The following ZNF829 variants were observed in gnomAD, a reference collection of about 807,000 sequenced individuals.
The protein encoded by ZNF829 is zinc finger protein 829.
ZNF829 carries 25 observed loss-of-function variants against 35.2 expected under a neutral mutation model. The observed-to-expected ratio is 0.71, with a 90% CI of 0.52 to 0.99. The LOEUF is 0.99. Ranked by LOEUF, ZNF829 falls within the 50% of genes least tolerant of loss-of-function variation. The pLI is 0.00. For synonymous variants in ZNF829, 136 were observed against 163.2 expected (o/e 0.83, Z 1.27); for missense variants, 417 against 515.3 (o/e 0.81, Z 1.85).
In ZNF829 at chr19:36,890,312, T is replaced by C. The variant is rs2073037730; in HGVS notation, c.*1180A>G. Reference sequence around the variant, plus strand: ...TAGAGTCCAATTTAAGTCCAGAGTTTCTTTGTTGATTTCTGTCCCAGTGAT... The same window carrying C: ...TAGAGTCCAATTTAAGTCCAGAGTTCCTTTGTTGATTTCTGTCCCAGTGAT... On this transcript the variant is annotated 3_prime_UTR_variant, in exon 6 of 6. Transcript: ENST00000391711. 6.6e-6 allele frequency: 1 copy of C among 152,168 alleles called. No homozygotes were observed. Among genetic ancestry groups the C allele is most frequent in the South Asian group, 2.1e-4 (1 of 4,832 alleles). 9.4% of individuals were successfully genotyped at this position (152,168 alleles called of 1,614,324 possible). A position where few individuals can be genotyped will look rare whatever the true frequency, so the allele number is the denominator to read the frequency against.
intron 5 of ZNF829, among the ~76,000 whole-genome samples, chr19:36,904,689 G>A (rs748411813): frequency 6.6e-6 from 1 of 152,080 alleles, no homozygotes; most frequent in Admixed American, 6.5e-5. Flanking sequence ...GTGAGCCACC[G>A]CGCCTGGTCT....
chr19:36,899,142 G>GA (rs2073138973), intron 5 of ZNF829, among the ~76,000 whole-genome samples: 1 of 152,028 alleles, frequency 6.6e-6, no homozygotes, highest in African/African-American at 2.4e-5. Flanking sequence ...TAACAAGGAA[G>GA]CAAAAAAACT....
chr19:36,893,164 T>C (rs1405741684), intron 5 of ZNF829: 1 of 393,396 alleles, frequency 2.5e-6, no homozygotes, highest in Non-Finnish European at 4.5e-6. Flanking sequence ...GACTGTGCAA[T>C]GGTATACTGG....
At chr19:36,898,257 A>G (rs1050514510) in intron 5 of ZNF829, among the ~76,000 whole-genome samples, 6 of 152,240 alleles carry the variant, frequency 3.9e-5, no homozygotes, top group Non-Finnish European at 8.8e-5. Context: ...TTATTAATAT[A>G]ATAGCTACAA....
rs2073039677 is a variant in ZNF829, at chr19:36,890,517, C to T, written c.*975G>A. On this transcript the variant is annotated 3_prime_UTR_variant, in exon 6 of 6. Transcript: ENST00000391711. ...TTTATCCTTTATCATTATAAATGACCTTCTTTGTCCTTTTTAATTTTTGTT... is the reference window on the plus strand; with the variant it reads ...TTTATCCTTTATCATTATAAATGACTTTCTTTGTCCTTTTTAATTTTTGTT... The T allele has an allele frequency of 6.6e-6, 1 of 151,536 alleles. No individual in the cohort carries two copies. The highest frequency in any genetic ancestry group is 2.4e-5 in the African/African-American group (1 of 41,226). The allele number at this position is 151,536 out of a possible 1,614,324, so 9.4% of individuals were successfully genotyped here.
intron 3 of ZNF829, among the ~76,000 whole-genome samples, chr19:36,914,061 T>G (rs145591570): frequency 6.6e-6 from 1 of 152,164 alleles, no homozygotes; most frequent in Non-Finnish European, 1.5e-5. Flanking sequence ...AATCTGACTC[T>G]TACCTCATAA....
intron 5 of ZNF829, among the ~76,000 whole-genome samples, chr19:36,897,921 C>T (rs555510398): frequency 1.3e-5 from 2 of 152,324 alleles, no homozygotes; most frequent in East Asian, 3.9e-4. Flanking sequence ...ATAATCCCAG[C>T]AGTTTGGAAG....
At chr19:36,905,493 A>G (rs564079431) in intron 5 of ZNF829, 1 of 151,466 alleles carries the variant, frequency 6.6e-6, no homozygotes, top group Non-Finnish European at 1.5e-5. Flanking sequence ...GCTGGAGTGC[A>G]ATGGTGTGAT....
At chr19:36,903,102 A>G (rs937095063) in intron 5 of ZNF829, among the ~76,000 whole-genome samples, 2 of 152,236 alleles carry the variant, frequency 1.3e-5, no homozygotes, top group Non-Finnish European at 2.9e-5. Flanking sequence ...GTTTAAATAC[A>G]GTAGTCAAGA....
At chr19:36,892,728 C>T (rs933406834) in intron 5 of ZNF829, 2 of 561,188 alleles carry the variant, frequency 3.6e-6, no homozygotes, top group Admixed American at 7.2e-5. Flanking sequence ...TCACCTTAAG[C>T]CTTGGTGAAT....
chr19:36,906,271 C>T (rs768551411), intron 5 of ZNF829: 2 of 152,054 alleles, frequency 1.3e-5, no homozygotes, highest in African/African-American at 4.8e-5. Context: ...TCAAAAGGTA[C>T]TATTAAAAGA....
chr19:36,901,633 C>G, intron 5 of ZNF829: 1 of 256,722 alleles, frequency 3.9e-6, no homozygotes. Context: ...GCTTTGTGGG[C>G]TATCCAAGTG....
Position 36,907,928 on chromosome 19 carries a change from C to A in ZNF829, c.319+1G>T. ...CTCCTGAGCCATCATCTCTTACTTACCTGAACACAGGCCTCTAGTCAGCTC... is the reference window on the plus strand; with the variant it reads ...CTCCTGAGCCATCATCTCTTACTTAACTGAACACAGGCCTCTAGTCAGCTC... On this transcript the variant is annotated splice_donor_variant, in intron 5 of 5. Transcript: ENST00000391711. LOFTEE classifies it high-confidence loss of function. The A allele has an allele frequency of 6.2e-7, 1 of 1,613,194 alleles. No homozygotes were observed. The highest frequency in any genetic ancestry group is 8.5e-7 in the Non-Finnish European group (1 of 1,179,322).
intron 5 of ZNF829, among the ~76,000 whole-genome samples, chr19:36,900,847 GAAAAA>G (rs59848712): frequency 1.1e-5 from 1 of 88,976 alleles, no homozygotes; most frequent in African/African-American, 4.5e-5. Flanking sequence ...GACTGTCTCA[GAAAAA>G]AAAAAAAAAA....
intron 5 of ZNF829, among the ~76,000 whole-genome samples, chr19:36,903,736 A>C (rs952497820): frequency 6.6e-6 from 1 of 150,696 alleles, no homozygotes; most frequent in Non-Finnish European, 1.5e-5. Flanking sequence ...ACTAAAAATA[A>C]AAAAATTAGC....
chr19:36,910,178 G>A (rs570250608), intron 3 of ZNF829, among the ~76,000 whole-genome samples: 2 of 151,582 alleles, frequency 1.3e-5, no homozygotes, highest in Admixed American at 6.6e-5. Context: ...TCCACCTCCC[G>A]GGTTCAAGCG....
chr19:36,892,860 C>T (rs1218222145), intron 5 of ZNF829: 5 of 1,143,956 alleles, frequency 4.4e-6, no homozygotes, highest in South Asian at 4.0e-5. Flanking sequence ...TGTGTCTCCT[C>T]GTCGTACAGC....
At chr19:36,903,146 T>C (rs2073186090) in intron 5 of ZNF829, among the ~76,000 whole-genome samples, 1 of 152,164 alleles carries the variant, frequency 6.6e-6, no homozygotes, top group Non-Finnish European at 1.5e-5. Context: ...GGACATTAAG[T>C]AAGAAAAATT....
chr19:36,895,292 A>G (rs933957267), intron 5 of ZNF829, among the ~76,000 whole-genome samples: 11 of 152,366 alleles, frequency 7.2e-5, no homozygotes, highest in Middle Eastern at 3.4e-3. Flanking sequence ...GCCCGATCAA[A>G]AATGGCAAAG....
Sources: allele counts gnomAD v4.1 joint callset (sites outside exome capture counted in the v4.1 genomes callset), GRCh38; gene constraint gnomAD v4.1.1; transcripts MANE v1.5; gene names NCBI Gene and HGNC (gene_info 2026-07-23, HGNC 2026-07-21).